The following CSGALNACT1 variants were observed in gnomAD, a reference collection of about 807,000 sequenced individuals.
CSGALNACT1 encodes chondroitin sulfate N-acetylgalactosaminyltransferase 1, also known as beta4GalNAcT-1.
CSGALNACT1 carries 52 observed loss-of-function variants against 51.0 expected under a neutral mutation model. The ratio of observed to expected loss-of-function variants is 1.02; its 90% CI spans 0.82 to 1.29. The LOEUF (loss-of-function observed/expected upper bound fraction) is 1.29. CSGALNACT1 is among the 50% of genes most tolerant of loss of function. The pLI is 0.00. For synonymous variants in CSGALNACT1, 341 were observed against 254.4 expected, an observed-to-expected ratio of 1.34 and a Z score of -3.24; for missense variants, 935 against 679.2, an observed-to-expected ratio of 1.38 and a Z score of -4.19.
intron 1 of CSGALNACT1, among the ~76,000 whole-genome samples, chr8:19,644,364 A>C (rs1441329453): frequency 6.6e-6 from 1 of 151,506 alleles, no homozygotes; most frequent in African/African-American, 2.4e-5. Flanking sequence ...TAATTTCTTA[A>C]TCAGAAAAAA....
intron 1 of CSGALNACT1, among the ~76,000 whole-genome samples, chr8:19,655,527 T>C (rs2058182441): frequency 6.7e-6 from 1 of 149,528 alleles, no homozygotes; most frequent in South Asian, 2.1e-4. Flanking sequence ...TCCCCACTAA[T>C]TTTTACATAT....
At chr8:19,441,237 C>A (rs1304412394) in intron 5 of CSGALNACT1, among the ~76,000 whole-genome samples, 1 of 152,120 alleles carries the variant, frequency 6.6e-6, no homozygotes, top group Admixed American at 6.5e-5. Context: ...TCATATGGAA[C>A]CAAAAAAGAG....
chr8:19,566,839 A>T (rs1044326673), intron 3 of CSGALNACT1, among the ~76,000 whole-genome samples: 1 of 152,170 alleles, frequency 6.6e-6, no homozygotes, highest in Non-Finnish European at 1.5e-5. Flanking sequence ...CTTAGAGCAA[A>T]AGCAGCCCTT....
chr8:19,507,914 G>A lies in CSGALNACT1; in HGVS notation c.-296-1784C>T, dbSNP rs190453272. ...AGTGCTGGGATTACAGGCGTGAGCC[G>A]CCGTGCCCGGCCCTCCTAGATGCAT... is the stretch of plus-strand genomic sequence containing the variant. On this transcript the variant is annotated intron_variant, in intron 3 of 9. Transcript: ENST00000454498. Among the ~76,000 whole-genome samples the A allele has an allele frequency of 7.6e-4, 115 of 152,316 alleles. No individual in the cohort carries two copies. In the Middle Eastern group the frequency reaches 0.017, roughly 23 times the overall value.
intron 3 of CSGALNACT1, among the ~76,000 whole-genome samples, chr8:19,522,539 A>T (rs1479440118): frequency 6.6e-6 from 1 of 152,242 alleles, no homozygotes; most frequent in Non-Finnish European, 1.5e-5. Flanking sequence ...TGCTTAGCCC[A>T]GTGTCCTGGC....
At chr8:19,741,602 G>A (rs966829222) in intron 1 of CSGALNACT1, among the ~76,000 whole-genome samples, 17 of 150,718 alleles carry the variant, frequency 1.1e-4, no homozygotes, top group Admixed American at 4.6e-4. Flanking sequence ...CAAAAGAGTC[G>A]GGGAGCTGAT....
At chr8:19,608,038 C>G (rs1021550563) in intron 1 of CSGALNACT1, among the ~76,000 whole-genome samples, 3 of 152,210 alleles carry the variant, frequency 2.0e-5, no homozygotes, top group Admixed American at 2.0e-4. Context: ...TTTCAGCAGG[C>G]TAACTGATGA....
At chr8:19,633,872 G>T (rs2055637142) in intron 1 of CSGALNACT1, among the ~76,000 whole-genome samples, 2 of 152,128 alleles carry the variant, frequency 1.3e-5, no homozygotes, top group Admixed American at 6.5e-5. Flanking sequence ...TGCCAAACTG[G>T]TGGCATGCAA....
At chr8:19,702,592 C>T (rs1461855357) in intron 1 of CSGALNACT1, among the ~76,000 whole-genome samples, 1 of 152,120 alleles carries the variant, frequency 6.6e-6, no homozygotes, top group Non-Finnish European at 1.5e-5. Flanking sequence ...TCCAGCACTC[C>T]CCTTCCCAAG....
chr8:19,674,924 T>G (rs1173427693), intron 1 of CSGALNACT1, among the ~76,000 whole-genome samples: 1 of 152,098 alleles, frequency 6.6e-6, no homozygotes, highest in Non-Finnish European at 1.5e-5. Flanking sequence ...GCCTGAACAA[T>G]GAAAGCAGGG....
chr8:19,718,307 G>T (rs2062927199), intron 1 of CSGALNACT1, among the ~76,000 whole-genome samples: 1 of 151,992 alleles, frequency 6.6e-6, no homozygotes, highest in East Asian at 1.9e-4. Context: ...GTACCATGTT[G>T]GCCAGGCTAG....
At chr8:19,533,893 A>G (rs1238033919) in intron 3 of CSGALNACT1, among the ~76,000 whole-genome samples, 1 of 152,170 alleles carries the variant, frequency 6.6e-6, no homozygotes, top group Non-Finnish European at 1.5e-5. Flanking sequence ...AAGATGTTTA[A>G]AACCATGAGG....
At chr8:19,526,871 C>T (rs2081816031) in intron 3 of CSGALNACT1, among the ~76,000 whole-genome samples, 1 of 152,146 alleles carries the variant, frequency 6.6e-6, no homozygotes, top group Non-Finnish European at 1.5e-5. Flanking sequence ...TCTGGCCATT[C>T]CAGGAGTACA....
intron 1 of CSGALNACT1, among the ~76,000 whole-genome samples, chr8:19,704,950 G>A (rs1023024339): frequency 1.3e-5 from 2 of 152,122 alleles, no homozygotes; most frequent in South Asian, 2.1e-4. Context: ...TGGGAAATGG[G>A]GAGATTTTGC....
intron 1 of CSGALNACT1, among the ~76,000 whole-genome samples, chr8:19,647,548 C>T (rs1186673727): frequency 6.6e-6 from 1 of 152,214 alleles, no homozygotes; most frequent in Non-Finnish European, 1.5e-5. Flanking sequence ...TGATCACCTG[C>T]CAAATGGATT....
At chr8:19,404,915 T>C (rs2053858059) in exon 10 of CSGALNACT1, 2 of 454,320 alleles carry the variant, frequency 4.4e-6, no homozygotes, top group Non-Finnish European at 8.8e-6. Context: ...TCTGTATTAG[T>C]ACAAACCATT....
At chr8:19,454,155 C>T (rs193224158) in intron 5 of CSGALNACT1, among the ~76,000 whole-genome samples, 89 of 152,346 alleles carry the variant, frequency 5.8e-4, no homozygotes, top group African/African-American at 2.1e-3. Context: ...CCCAGCTAAG[C>T]TGACTGTCCA....
chr8:19,642,223 T>G (rs933721487), intron 1 of CSGALNACT1, among the ~76,000 whole-genome samples: 2 of 152,144 alleles, frequency 1.3e-5, no homozygotes, highest in Non-Finnish European at 2.9e-5. Flanking sequence ...GTAGGAAGGG[T>G]AGAGATCAGA....
In CSGALNACT1 at chr8:19,513,469, G is replaced by C. The variant is rs544347758; in HGVS notation, c.-296-7339C>G. ...ATATATATATATATATATATTTTGT[G>C]CCATCTGCCTGCTGTTAAAGAAAAT... On this transcript the variant is annotated intron_variant, in intron 3 of 9. Transcript: ENST00000454498. 3.5e-3 allele frequency among the ~76,000 whole-genome samples: 274 copies of C among 79,262 alleles called. 3 individuals are homozygous for C. Among genetic ancestry groups the C allele is most frequent in the African/African-American group, 9.5e-3 (256 of 26,838 alleles). The allele number at this position is 79,262 out of a possible 152,430, so 52.0% of individuals were successfully genotyped here. A position where few individuals can be genotyped will look rare whatever the true frequency, so the allele number is the denominator to read the frequency against.
Sources: gnomAD v4.1 joint callset for allele counts (sites outside exome capture counted in the v4.1 genomes callset) on GRCh38, gnomAD v4.1.1 for gene constraint, MANE v1.5 for transcripts, NCBI Gene and HGNC (gene_info 2026-07-23, HGNC 2026-07-21) for gene names.